The following PGM5 variants were observed in gnomAD, a reference collection of about 807,000 sequenced individuals.
The protein encoded by PGM5 is phosphoglucomutase 5.
PGM5 carries 23 observed loss-of-function variants against 59.2 expected under a neutral mutation model. The observed-to-expected ratio is 0.39, with a 90% confidence interval of 0.28 to 0.55. PGM5 has a LOEUF of 0.55. Ranked by LOEUF, PGM5 falls within the 20% of genes least tolerant of loss-of-function variation. PGM5 has a pLI of 0.66. For missense variants in PGM5, 574 were observed against 748.3 expected (o/e 0.77, Z 2.72); for synonymous variants, 214 against 286.0 (o/e 0.75, Z 2.54).
chr9:68,451,247 C>T (rs1013716936), intron 6 of PGM5, among the ~76,000 whole-genome samples: 1 of 152,200 alleles, frequency 6.6e-6, no homozygotes, highest in Non-Finnish European at 1.5e-5. Flanking sequence ...GCAATGCCAA[C>T]ACGATTAACT....
intron 6 of PGM5, among the ~76,000 whole-genome samples, chr9:68,452,896 G>A (rs1186639392): frequency 1.3e-5 from 2 of 152,194 alleles, no homozygotes; most frequent in African/African-American, 4.8e-5. Context: ...ACATCTTGCT[G>A]GGAATCCTTG....
intron 6 of PGM5, among the ~76,000 whole-genome samples, chr9:68,433,054 T>C (rs542170285): frequency 6.6e-6 from 1 of 152,338 alleles, no homozygotes; most frequent in African/African-American, 2.4e-5. Flanking sequence ...CCCTGCTATG[T>C]ATATTTTTGA....
At chr9:68,400,466 T>C (rs1587793701) in intron 6 of PGM5, 2 of 152,622 alleles carry the variant, frequency 1.3e-5, no homozygotes, top group East Asian at 3.9e-4. Flanking sequence ...TCTTTATCTT[T>C]TATGGCTTGA....
At chr9:68,385,769 G>A (rs1456446658) in intron 3 of PGM5, among the ~76,000 whole-genome samples, 3 of 152,068 alleles carry the variant, frequency 2.0e-5, no homozygotes, top group Non-Finnish European at 2.9e-5. Context: ...CGAGAGACCC[G>A]AATCTTCGTG....
At chr9:68,419,549 A>G (rs1163151152) in intron 6 of PGM5, among the ~76,000 whole-genome samples, 12 of 152,152 alleles carry the variant, frequency 7.9e-5, no homozygotes, top group African/African-American at 2.9e-4. Flanking sequence ...AAGAAGCCAT[A>G]CTTTAGGGGT....
At chr9:68,522,304 C>T (rs781356652) in intron 10 of PGM5, among the ~76,000 whole-genome samples, 25 of 152,034 alleles carry the variant, frequency 1.6e-4, no homozygotes, top group South Asian at 6.2e-4. Context: ...ACGCAAGCTC[C>T]GGATGGTGGG....
intron 6 of PGM5, among the ~76,000 whole-genome samples, chr9:68,403,640 A>C (rs11141421): frequency 0.052 from 7,899 of 152,228 alleles, 605 homozygotes; most frequent in East Asian, 0.41. Flanking sequence ...GCCCAAGGTC[A>C]CACAGAATAA....
chr9:68,357,046 C>T lies in PGM5; in HGVS notation c.-82C>T, dbSNP rs1243507835. 7.5e-6 allele frequency: 10 copies of T among 1,338,956 alleles called. No individual in the cohort carries two copies. In the African/African-American group the frequency reaches 1.6e-4, roughly 21 times the overall value. The allele number at this position is 1,338,956 out of a possible 1,614,324, so 82.9% of individuals were successfully genotyped here. The stretch of plus-strand genomic sequence containing the variant: ...GGGCGCGAGGCGGAGTCCCGGCGCG[C>T]AGCCAGGCTGGTGGAGGCCCCCGGC... On this transcript the variant is annotated 5_prime_UTR_variant, in exon 1 of 11. Transcript: ENST00000396396.
At chr9:68,393,711 T>G (rs1369026484) in intron 6 of PGM5, among the ~76,000 whole-genome samples, 1 of 152,148 alleles carries the variant, frequency 6.6e-6, no homozygotes, top group African/African-American at 2.4e-5. Flanking sequence ...GAAGACAGTT[T>G]GGCAGTTTCT....
At chr9:68,470,852 T>C (rs1462504038) in intron 7 of PGM5, among the ~76,000 whole-genome samples, 2 of 152,188 alleles carry the variant, frequency 1.3e-5, no homozygotes, top group African/African-American at 2.4e-5. Context: ...ACAGGCTGAG[T>C]GCATGTGTGC....
intron 9 of PGM5, chr9:68,498,002 C>T (rs1824507950): frequency 1.3e-5 from 2 of 152,240 alleles, no homozygotes; most frequent in African/African-American, 2.4e-5. Context: ...TCTGGCCCCA[C>T]CCCACTCTGG....
chr9:68,492,385 G>C (rs1389766308), intron 9 of PGM5, among the ~76,000 whole-genome samples: 2 of 152,194 alleles, frequency 1.3e-5, no homozygotes, highest in African/African-American at 4.8e-5. Flanking sequence ...TCATCACCTA[G>C]CATGGCTTTT....
intron 6 of PGM5, among the ~76,000 whole-genome samples, chr9:68,395,404 A>G (rs1486032225): frequency 1.3e-5 from 2 of 152,122 alleles, no homozygotes. Flanking sequence ...TTCTTTGTCA[A>G]ATTAAAGGGA....
intron 1 of PGM5, among the ~76,000 whole-genome samples, chr9:68,368,572 G>A (rs1834724709): frequency 6.6e-6 from 1 of 152,202 alleles, no homozygotes; most frequent in Non-Finnish European, 1.5e-5. Flanking sequence ...TCGTTGATAT[G>A]TAAGCATGTT....
Position 68,479,685 on chromosome 9 carries a change from AG to A in PGM5, c.1295+133del, listed in dbSNP as rs1824162040. The A allele has an allele frequency of 4.1e-5, 33 of 803,444 alleles. No homozygotes were observed. In the South Asian group the frequency reaches 7.0e-4, roughly 17 times the overall value. 49.8% of individuals were successfully genotyped at this position (803,444 alleles called of 1,614,324 possible). ...CGCGGTGGCTCACGCCTGTAATCCC[AG>A]CACTTTGGGAGGCCGAGGTGGGCGG... On this transcript the variant is annotated intron_variant, in intron 8 of 10. Coordinates refer to ENST00000396396, the MANE Select transcript of PGM5 (RefSeq NM_021965.4).
chr9:68,378,800 C>A (rs1821990977), intron 2 of PGM5, among the ~76,000 whole-genome samples: 1 of 151,724 alleles, frequency 6.6e-6, no homozygotes, highest in Admixed American at 6.6e-5. Context: ...ACAGTGTTGA[C>A]TTTCTCTCAA....
intron 9 of PGM5, among the ~76,000 whole-genome samples, chr9:68,492,381 C>T (rs916212125): frequency 6.6e-6 from 1 of 152,326 alleles, no homozygotes; most frequent in South Asian, 2.1e-4. Flanking sequence ...CCTCTCATCA[C>T]CTAGCATGGC....
At chr9:68,497,880 T>A (rs979261248) in intron 9 of PGM5, 1 of 152,202 alleles carries the variant, frequency 6.6e-6, no homozygotes, top group Admixed American at 6.5e-5. Context: ...CATCTTATGG[T>A]CATAATTTTA....
At chr9:68,509,202 G>A (rs1238741223) in intron 10 of PGM5, among the ~76,000 whole-genome samples, 3 of 152,218 alleles carry the variant, frequency 2.0e-5, no homozygotes, top group Non-Finnish European at 4.4e-5. Context: ...TGCAGGTGAG[G>A]GAGTTTCCCA....
Sources: gnomAD v4.1 joint callset for allele counts (sites outside exome capture counted in the v4.1 genomes callset) on GRCh38, gnomAD v4.1.1 for gene constraint, MANE v1.5 for transcripts, NCBI Gene and HGNC (gene_info 2026-07-23, HGNC 2026-07-21) for gene names.